Variants in ABL2 observed in about 807,000 individuals in gnomAD.
ABL2 encodes the protein tyrosine-protein kinase ABL2.
In ABL2, 49 loss-of-function variants were observed where a neutral mutation model predicts 107.7. The ratio of observed to expected loss-of-function variants is 0.45; its 90% CI spans 0.36 to 0.58. The LOEUF (loss-of-function observed/expected upper bound fraction) is 0.58, where lower values mean the gene tolerates loss of function less well. Among genes scored for constraint, ABL2 ranks in the 20% least tolerant of loss-of-function variants. ABL2 has a pLI of 0.00. For missense variants in ABL2, 1,245 were observed against 1,457.0 expected (o/e 0.85, Z 2.37); for synonymous variants, 549 against 548.6 (o/e 1.00, Z -0.01).
chr1:179,172,507 C>T (rs1659777653), intron 1 of ABL2, among the ~76,000 whole-genome samples: 1 of 152,158 alleles, frequency 6.6e-6, no homozygotes, highest in African/African-American at 2.4e-5. Flanking sequence ...TCATCCAGGG[C>T]AAGGTCTCTG....
Position 179,229,482 on chromosome 1 carries a change from C to G in ABL2, c.-85G>C. ...CGGCCTCGGGCTCCTGGCGCTGCTC[C>G]GGTCTCTCCCTCCCAGCCCAGGCCC... On this transcript the variant is annotated 5_prime_UTR_variant, in exon 1 of 12. Transcript: ENST00000502732. The G allele has an allele frequency of 7.4e-7, 1 of 1,350,826 alleles. No homozygotes were observed. Among genetic ancestry groups the G allele is most frequent in the South Asian group, 1.6e-5 (1 of 61,986 alleles). 83.7% of individuals were successfully genotyped at this position (1,350,826 alleles called of 1,614,324 possible).
At chr1:179,152,194 A>ATTATACC (rs1658404387) in intron 1 of ABL2, among the ~76,000 whole-genome samples, 1 of 152,200 alleles carries the variant, frequency 6.6e-6, no homozygotes. Flanking sequence ...TGAAGTTTAC[A>ATTATACC]TTATACCTCT....
chr1:179,120,271 C>A lies in ABL2; in HGVS notation c.964G>T (p.Asp322Tyr). Residue 322 changes from aspartate (D) to tyrosine (Y), a missense_variant, in exon 6 of 12, where the codon GAT (aspartate) becomes TAT (tyrosine). Transcript: ENST00000502732. The stretch of plus-strand genomic sequence containing the variant: ...AGGAATTCTTCTACCTCCATGGTAT[C>A]TTCCTAGAAAAAGGGAAAGGTAAGA... The part of the protein sequence containing the change: ...LTVAVKTLKE[D>Y]TMEVEEFLKE... 6.2e-7 allele frequency: 1 copy of A among 1,601,694 alleles called. No individual in the cohort carries two copies. Among genetic ancestry groups the A allele is most frequent in the Non-Finnish European group, 8.5e-7 (1 of 1,173,220 alleles).
At chr1:179,162,631 G>C (rs1327115964) in intron 1 of ABL2, among the ~76,000 whole-genome samples, 1 of 152,080 alleles carries the variant, frequency 6.6e-6, no homozygotes, top group Non-Finnish European at 1.5e-5. Flanking sequence ...AAAATAGCTA[G>C]AGCATGTAAT....
At chr1:179,207,023 A>G (rs1662010623) in intron 1 of ABL2, among the ~76,000 whole-genome samples, 1 of 152,178 alleles carries the variant, frequency 6.6e-6, no homozygotes, top group African/African-American at 2.4e-5. Flanking sequence ...AATTTCTAAT[A>G]GCTTGCCAGC....
intron 1 of ABL2, among the ~76,000 whole-genome samples, chr1:179,226,776 G>C (rs1019836929): frequency 6.6e-6 from 1 of 152,082 alleles, no homozygotes; most frequent in Non-Finnish European, 1.5e-5. Context: ...ACTTGTCCCA[G>C]GTCACAAAGC....
intron 1 of ABL2, among the ~76,000 whole-genome samples, chr1:179,210,503 C>CAAAAAA (rs113814284): frequency 1.1e-5 from 1 of 94,080 alleles, no homozygotes; most frequent in African/African-American, 4.2e-5. Context: ...CTCTAACTCA[C>CAAAAAA]AAAAAAAAAA....
At chr1:179,130,087 A>G (rs1197150169) in intron 3 of ABL2, among the ~76,000 whole-genome samples, 2 of 152,186 alleles carry the variant, frequency 1.3e-5, no homozygotes, top group African/African-American at 4.8e-5. Context: ...CTACAGGCAC[A>G]TGCCGCTACA....
Position 179,107,060 on chromosome 1 carries a change from T to C in ABL2, c.*658A>G, listed in dbSNP as rs1461377163. On this transcript the variant is annotated 3_prime_UTR_variant, in exon 12 of 12. Transcript: ENST00000502732. ...GTGTAAGATTTTAGAAGGTTTTCAA[T>C]TTCTGATTCAACTTTCCAGCATTCT... The C allele has an allele frequency of 2.6e-5, 6 of 230,042 alleles. No individual in the cohort carries two copies. Among genetic ancestry groups the C allele is most frequent in the Non-Finnish European group, 4.3e-5 (5 of 116,122 alleles). 14.3% of individuals were successfully genotyped at this position (230,042 alleles called of 1,614,324 possible).
In ABL2 at chr1:179,100,834, C is replaced by A. The variant is rs1653031834; in HGVS notation, c.*6884G>T. 4.3e-6 allele frequency: 1 copy of A among 232,700 alleles called. No homozygotes were observed. Among genetic ancestry groups the A allele is most frequent in the East Asian group, 6.1e-5 (1 of 16,498 alleles). The allele number at this position is 232,700 out of a possible 1,614,324, so 14.4% of individuals were successfully genotyped here. On this transcript the variant is annotated 3_prime_UTR_variant, in exon 12 of 12. Coordinates refer to ENST00000502732, the MANE Select transcript of ABL2 (RefSeq NM_007314.4). The stretch of plus-strand genomic sequence containing the variant: ...TGCCTGGCCTTTCCCCTTCAACACG[C>A]CAGCTGCTCCCTCAGAGTGAACAGG...
intron 1 of ABL2, among the ~76,000 whole-genome samples, chr1:179,136,471 C>T (rs1236753181): frequency 2.6e-5 from 4 of 151,896 alleles, no homozygotes; most frequent in Admixed American, 6.6e-5. Flanking sequence ...GGATTAAGGG[C>T]GGTGCAAGAT....
At chr1:179,160,794 G>T (rs1659015491) in intron 1 of ABL2, among the ~76,000 whole-genome samples, 1 of 152,144 alleles carries the variant, frequency 6.6e-6, no homozygotes, top group Admixed American at 6.6e-5. Context: ...AAATAATTCT[G>T]TGTGGCGAGG....
chr1:179,139,766 G>A (rs771503090), intron 1 of ABL2, among the ~76,000 whole-genome samples: 6 of 152,112 alleles, frequency 3.9e-5, no homozygotes, highest in Non-Finnish European at 5.9e-5. Context: ...TCCACCTCCC[G>A]TCAGATTAGT....
At chr1:179,183,164 G>A (rs1331913931) in intron 1 of ABL2, among the ~76,000 whole-genome samples, 2 of 152,008 alleles carry the variant, frequency 1.3e-5, no homozygotes. Context: ...GTTCTCACAA[G>A]TGGAAGCTAA....
intron 8 of ABL2, chr1:179,117,075 T>C: frequency 2.2e-6 from 1 of 460,760 alleles, no homozygotes; most frequent in Non-Finnish European, 4.0e-6. Flanking sequence ...TGACCTCAAG[T>C]GATCCACCCA....
At chr1:179,146,751 C>A (rs2102719826) in intron 1 of ABL2, among the ~76,000 whole-genome samples, 1 of 152,214 alleles carries the variant, frequency 6.6e-6, no homozygotes, top group South Asian at 2.1e-4. Context: ...CATCCTGCCA[C>A]CCTGTGAGGA....
intron 8 of ABL2, 70 bp from the exon 9 acceptor site, chr1:179,115,100 T>C: frequency 6.9e-7 from 1 of 1,444,178 alleles, no homozygotes; most frequent in Non-Finnish European, 9.3e-7. Flanking sequence ...ATTAGGTGAT[T>C]CTCTTTCATA....
At position 179,117,374 on chromosome 1, in the gene ABL2, T is replaced by C. The variant is rs770159745; in HGVS notation, c.1366A>G (p.Ser456Gly). 7.7e-5 allele frequency: 124 copies of C among 1,614,022 alleles called. No homozygotes were observed. In the South Asian group the frequency reaches 9.4e-4, roughly 12 times the overall value. ...KFPIKWTAPE[S>G]LAYNTFSIKS... ...ATTGAGAAGGTATTGTAGGCAAGAC[T>C]CTCTGGTGCTGTCCACTTAATAGGA... Residue 456 changes from serine to glycine, a missense_variant, in exon 8 of 12, where the codon AGT becomes GGT. This residue lies in a region of ABL2 where 320 missense variants were observed against 547.0 expected (regional missense o/e 0.59). Transcript: ENST00000502732.
At chr1:179,178,685 T>G (rs1571259135) in intron 1 of ABL2, among the ~76,000 whole-genome samples, 1 of 151,108 alleles carries the variant, frequency 6.6e-6, no homozygotes, top group Middle Eastern at 3.4e-3. Flanking sequence ...AGGCCAGGAG[T>G]TCAAGACAAG....
Sources: allele counts gnomAD v4.1 joint callset (sites outside exome capture counted in the v4.1 genomes callset), GRCh38; gene constraint gnomAD v4.1.1; regional missense constraint gnomAD v4.1.1; transcripts MANE v1.5; gene names NCBI Gene and HGNC (gene_info 2026-07-23, HGNC 2026-07-21).